The following SLC35F1 variants were observed in gnomAD, a reference collection of about 807,000 sequenced individuals.
SLC35F1 encodes the protein chromosome 6 open reading frame 169.
SLC35F1 carries 14 observed loss-of-function variants against 48.7 expected under a neutral mutation model. The observed-to-expected ratio is 0.29, with a 90% CI of 0.19 to 0.45. The LOEUF (loss-of-function observed/expected upper bound fraction) is 0.45. SLC35F1 is among the 20% of genes least tolerant of loss of function. The pLI is 1.00. For synonymous variants in SLC35F1, 190 were observed against 202.2 expected, an observed-to-expected ratio of 0.94 and a Z score of 0.51; for missense variants, 404 against 500.0, an observed-to-expected ratio of 0.81 and a Z score of 1.83.
chr6:117,972,372 T>G (rs1386324965), intron 1 of SLC35F1, among the ~76,000 whole-genome samples: 1 of 152,226 alleles, frequency 6.6e-6, no homozygotes, highest in East Asian at 1.9e-4. Flanking sequence ...TCCAAGTGGT[T>G]ACAACCTCTG....
chr6:118,203,328 A>G (rs1774894287), intron 2 of SLC35F1, among the ~76,000 whole-genome samples: 1 of 152,226 alleles, frequency 6.6e-6, no homozygotes, highest in Non-Finnish European at 1.5e-5. Flanking sequence ...GTACTCTGCC[A>G]TCAAAGGTCA....
chr6:118,267,102 A>G lies in SLC35F1; in HGVS notation c.585A>G (p.Gly195=). 3 of 1,613,954 alleles carry G rather than the reference A, an allele frequency of 1.9e-6. No homozygotes were observed. Among genetic ancestry groups the G allele is most frequent in the Non-Finnish European group, 2.5e-6 (3 of 1,179,926 alleles). The change falls in exon 4 of 8, where the codon GGA becomes GGG. Residue 195 remains glycine, a synonymous_variant. Transcript: ENST00000360388. ...TCGGCATCGTTGTCTGCATCCTGGG[A>G]ATGGGCTGCATGGTGGGAGCAGATG... ...HFIGIVVCIL[G]MGCMVGADVL...
intron 1 of SLC35F1, among the ~76,000 whole-genome samples, chr6:117,966,134 C>CCCA (rs1776562772): frequency 1.7e-5 from 1 of 59,986 alleles, no homozygotes; most frequent in African/African-American, 5.2e-5. Flanking sequence ...GGCCACCGCC[C>CCCA]CCCCCCCCAC....
At chr6:118,125,566 G>A (rs1223739129) in intron 1 of SLC35F1, among the ~76,000 whole-genome samples, 1 of 152,072 alleles carries the variant, frequency 6.6e-6, no homozygotes, top group African/African-American at 2.4e-5. Context: ...GCTTCCTTGG[G>A]TAGTATAAGT....
At chr6:118,295,239 T>C (rs1333522132) in intron 7 of SLC35F1, among the ~76,000 whole-genome samples, 1 of 152,170 alleles carries the variant, frequency 6.6e-6, no homozygotes. Context: ...TATATTATTA[T>C]GTATTAAATT....
Position 117,923,726 on chromosome 6 carries a change from C to T in SLC35F1, c.173+15827C>T, listed in dbSNP as rs12207815. On this transcript the variant is annotated intron_variant, in intron 1 of 7. Transcript: ENST00000360388. Reference sequence around the variant, plus strand: ...ATATATGTACATATATACATATATACATATGTATATATACATATATGTACA... The same window carrying T: ...ATATATGTACATATATACATATATATATATGTATATATACATATATGTACA... Among the ~76,000 whole-genome samples, 521 of 83,776 alleles carry T rather than the reference C, an allele frequency of 6.2e-3. 72 individuals carry two copies. Among genetic ancestry groups the T allele is most frequent in the Admixed American group, 0.01 (78 of 7,480 alleles). 55.0% of individuals were successfully genotyped at this position (83,776 alleles called of 152,430 possible). A position where few individuals can be genotyped will look rare whatever the true frequency, so the allele number is the denominator to read the frequency against.
intron 7 of SLC35F1, among the ~76,000 whole-genome samples, chr6:118,299,816 G>A (rs1438170475): frequency 6.6e-6 from 1 of 152,192 alleles, no homozygotes; most frequent in African/African-American, 2.4e-5. Flanking sequence ...CAGGCTCACA[G>A]ACCCCACGAA....
chr6:118,077,470 A>G (rs1415340999), intron 1 of SLC35F1, among the ~76,000 whole-genome samples: 2 of 152,248 alleles, frequency 1.3e-5, no homozygotes, highest in African/African-American at 4.8e-5. Context: ...TTGTAAGTTC[A>G]TTGTTGGAAA....
intron 1 of SLC35F1, among the ~76,000 whole-genome samples, chr6:117,918,960 A>G (rs1359561330): frequency 6.6e-6 from 1 of 152,112 alleles, no homozygotes; most frequent in Non-Finnish European, 1.5e-5. Context: ...CAGTGGTGCA[A>G]TCATAGCTCA....
intron 1 of SLC35F1, among the ~76,000 whole-genome samples, chr6:117,909,467 T>G (rs1775736639): frequency 6.6e-6 from 1 of 152,220 alleles, no homozygotes; most frequent in Non-Finnish European, 1.5e-5. Flanking sequence ...TTTCTTGATA[T>G]GTAATGAATC....
chr6:118,014,422 C>T (rs988478489), intron 1 of SLC35F1, among the ~76,000 whole-genome samples: 2 of 152,114 alleles, frequency 1.3e-5, no homozygotes, highest in Admixed American at 6.5e-5. Context: ...ACAAAGGATG[C>T]TAGGACTTAT....
chr6:117,959,059 T>A lies in SLC35F1; in HGVS notation c.173+51160T>A, dbSNP rs183862125. ...GTTTAGATTCCAACTTCCACGTGCT[T>A]GTTGCAGGATCCTGGGTGAATCACT... is the stretch of plus-strand genomic sequence containing the variant. On this transcript the variant is annotated intron_variant, in intron 1 of 7. Coordinates refer to ENST00000360388, the MANE Select transcript of SLC35F1 (RefSeq NM_001029858.4). Among the ~76,000 whole-genome samples the A allele has an allele frequency of 3.7e-4, 57 of 152,298 alleles. 1 individual carries two copies. The East Asian group carries it at 0.01, about 28-fold the overall frequency.
intron 3 of SLC35F1, among the ~76,000 whole-genome samples, chr6:118,266,424 AT>A (rs1165687414): frequency 5.9e-5 from 9 of 152,058 alleles, no homozygotes; most frequent in African/African-American, 2.2e-4. Context: ...TCATATTTGT[AT>A]TTATATTTAG....
At chr6:118,190,654 T>C (rs1774720077) in intron 2 of SLC35F1, among the ~76,000 whole-genome samples, 1 of 152,170 alleles carries the variant, frequency 6.6e-6, no homozygotes, top group African/African-American at 2.4e-5. Context: ...GATGGCTGCA[T>C]GCAAATATTT....
intron 1 of SLC35F1, among the ~76,000 whole-genome samples, chr6:117,928,534 A>G (rs1776058070): frequency 6.6e-6 from 1 of 152,202 alleles, no homozygotes; most frequent in Admixed American, 6.6e-5. Context: ...ATAGTTTGAT[A>G]CATAATTCTG....
At chr6:118,141,915 A>G (rs1773896111) in intron 1 of SLC35F1, among the ~76,000 whole-genome samples, 1 of 152,234 alleles carries the variant, frequency 6.6e-6, no homozygotes, top group African/African-American at 2.4e-5. Flanking sequence ...TATGTTCACA[A>G]AAGTGATACT....
chr6:118,219,091 A>C (rs1381543801), intron 2 of SLC35F1, among the ~76,000 whole-genome samples: 1 of 152,210 alleles, frequency 6.6e-6, no homozygotes, highest in African/African-American at 2.4e-5. Flanking sequence ...TTGGCAGTGC[A>C]CAGGAGCTGA....
At chr6:117,975,439 G>A (rs953268144) in intron 1 of SLC35F1, among the ~76,000 whole-genome samples, 6 of 152,178 alleles carry the variant, frequency 3.9e-5, no homozygotes, top group African/African-American at 1.4e-4. Context: ...GGAAAAGTCT[G>A]GCAGTGTTGT....
At chr6:118,024,384 A>T (rs1315069025) in intron 1 of SLC35F1, among the ~76,000 whole-genome samples, 1 of 152,234 alleles carries the variant, frequency 6.6e-6, no homozygotes, top group African/African-American at 2.4e-5. Flanking sequence ...AAAGCATATA[A>T]TTTTAGCAAT....
Sources: allele counts gnomAD v4.1 joint callset (sites outside exome capture counted in the v4.1 genomes callset), GRCh38; gene constraint gnomAD v4.1.1; transcripts MANE v1.5; gene names NCBI Gene and HGNC (gene_info 2026-07-23, HGNC 2026-07-21).